Variants in RAD23B observed in about 807,000 individuals in gnomAD.
The protein encoded by RAD23B is RAD23 nucleotide excision repair protein B, also known as lysine-specific demethylase RAD23B.
Under a neutral mutation model 49.1 loss-of-function variants are expected in RAD23B, and 5 were observed. The observed-to-expected ratio is 0.10, with a 90% CI of 0.05 to 0.21. RAD23B has a LOEUF of 0.21. Ranked by LOEUF, RAD23B falls within the 10% of genes least tolerant of loss-of-function variation. RAD23B has a pLI of 1.00. For missense variants in RAD23B, 356 were observed against 486.7 expected (o/e 0.73, Z 2.53); for synonymous variants, 184 against 165.4 (o/e 1.11, Z -0.86).
Position 107,284,785 on chromosome 9 carries a change from G to T in RAD23B, c.66+1090G>T, listed in dbSNP as rs868238776. On this transcript the variant is annotated intron_variant, in intron 1 of 9. Coordinates refer to ENST00000358015, the MANE Select transcript of RAD23B (RefSeq NM_002874.5). ...TTGGGTGGAGATCAGGGGCTTTGGT[G>T]TTAAGTAGACCTGAGTTCCATTTGT... The T allele has an allele frequency of 1.6e-5, 19 of 1,169,484 alleles. No homozygotes were observed. The Middle Eastern group carries it at 7.1e-4, about 44-fold the overall frequency. The allele number at this position is 1,169,484 out of a possible 1,614,324, so 72.4% of individuals were successfully genotyped here.
intron 1 of RAD23B, among the ~76,000 whole-genome samples, chr9:107,297,108 T>C (rs1307502976): frequency 6.6e-6 from 1 of 152,066 alleles, no homozygotes; most frequent in Non-Finnish European, 1.5e-5. Flanking sequence ...CGCCTTGGCC[T>C]CCCAAAGTGC....
rs544787339 is a variant in RAD23B, at chr9:107,287,964, A to G, written c.66+4269A>G. 1.8e-4 allele frequency among the ~76,000 whole-genome samples: 27 copies of G among 152,300 alleles called. No individual in the cohort carries two copies. In the South Asian group the frequency reaches 5.2e-3, roughly 29 times the overall value. Reference sequence around the variant, plus strand: ...TGGTGGTTTATTGTATTTTCAATATAGTCATGCTAGATACAATTTCATATT... The same window carrying G: ...TGGTGGTTTATTGTATTTTCAATATGGTCATGCTAGATACAATTTCATATT... On this transcript the variant is annotated intron_variant, in intron 1 of 9. Coordinates refer to ENST00000358015, the MANE Select transcript of RAD23B (RefSeq NM_002874.5).
Position 107,329,579 on chromosome 9 carries a change from C to G in RAD23B, c.1153C>G (p.Gln385Glu). The part of the protein sequence containing the change: ...ALGFPEGLVI[Q>E]AYFACEKNEN... The stretch of plus-strand genomic sequence containing the variant: ...AGGATTTCCTGAAGGACTTGTGATA[C>G]AAGCGTATTTTGCTTGTGAGAAGAA... The change falls in exon 10 of 10, where the codon CAA becomes GAA. Residue 385 changes from glutamine (Q) to glutamate (E), a missense_variant. Physicochemically the swap from Gln to Glu is conservative, Grantham distance 29. Coordinates refer to ENST00000358015, the MANE Select transcript of RAD23B (RefSeq NM_002874.5). 1 of 1,612,662 alleles carries G rather than the reference C, an allele frequency of 6.2e-7. No individual in the cohort carries two copies. Among genetic ancestry groups the G allele is most frequent in the Non-Finnish European group, 8.5e-7 (1 of 1,179,022 alleles).
intron 8 of RAD23B, among the ~76,000 whole-genome samples, chr9:107,324,419 AG>A (rs895269832): frequency 4.1e-4 from 63 of 152,194 alleles, no homozygotes; most frequent in African/African-American, 1.5e-3. Flanking sequence ...TAGAAAAAAT[AG>A]CTGTGGGGCT....
At chr9:107,287,277 G>A (rs537534732) in intron 1 of RAD23B, among the ~76,000 whole-genome samples, 12 of 152,090 alleles carry the variant, frequency 7.9e-5, no homozygotes, top group Non-Finnish European at 1.8e-4. Flanking sequence ...CACTGAAATG[G>A]TGACAAGAAA....
At chr9:107,286,498 G>C (rs1449646843) in intron 1 of RAD23B, among the ~76,000 whole-genome samples, 1 of 152,156 alleles carries the variant, frequency 6.6e-6, no homozygotes, top group Non-Finnish European at 1.5e-5. Context: ...GACTATTACT[G>C]TGATACATTA....
intron 1 of RAD23B, among the ~76,000 whole-genome samples, chr9:107,292,754 C>G (rs919998607): frequency 2.0e-5 from 3 of 151,216 alleles, no homozygotes. Flanking sequence ...ATACCATCTC[C>G]CATATGAGTA....
chr9:107,298,040 G>C (rs972801121), intron 1 of RAD23B, among the ~76,000 whole-genome samples: 1 of 152,138 alleles, frequency 6.6e-6, no homozygotes, highest in African/African-American at 2.4e-5. Context: ...TATGCATAGA[G>C]ATACACTTGG....
intron 4 of RAD23B, among the ~76,000 whole-genome samples, chr9:107,309,964 A>G (rs1345953878): frequency 1.3e-5 from 2 of 151,660 alleles, no homozygotes; most frequent in African/African-American, 4.8e-5. Flanking sequence ...ATGTGTGATA[A>G]TAGTGTAAAT....
intron 8 of RAD23B, among the ~76,000 whole-genome samples, 175 bp downstream of exon 8, chr9:107,324,192 G>C (rs567261777): frequency 8.5e-5 from 13 of 152,324 alleles, no homozygotes; most frequent in Admixed American, 7.8e-4. Flanking sequence ...AAACAGTTGG[G>C]ATATGGAGGT....
At chr9:107,326,170 G>A (rs1827198146) in intron 9 of RAD23B, among the ~76,000 whole-genome samples, 1 of 152,098 alleles carries the variant, frequency 6.6e-6, no homozygotes, top group East Asian at 1.9e-4. Flanking sequence ...ATATTGGTCT[G>A]TAGTTTTTTT....
At chr9:107,297,581 C>T (rs61015686) in intron 1 of RAD23B, among the ~76,000 whole-genome samples, 8,320 of 152,022 alleles carry the variant, frequency 0.055, 694 homozygotes, top group African/African-American at 0.19. Context: ...TTAGGTGATC[C>T]GTCTGCCTTG....
Position 107,332,083 on chromosome 9 carries a change from C to CA in RAD23B, c.*2430dup, listed in dbSNP as rs1276287327. ...TAAATTTCTTATGCCATCCTCTAGT[C>CA]AAATTTTTTTTCATTGTTTAAAAAT... On this transcript the variant is annotated 3_prime_UTR_variant, in exon 10 of 10. Transcript: ENST00000358015. 3 of 262,926 alleles carry CA rather than the reference C, an allele frequency of 1.1e-5. No homozygotes were observed. The highest frequency in any genetic ancestry group is 6.6e-5 in the African/African-American group (3 of 45,550). 16.3% of individuals were successfully genotyped at this position (262,926 alleles called of 1,614,324 possible). A position where few individuals can be genotyped will look rare whatever the true frequency, so the allele number is the denominator to read the frequency against.
intron 5 of RAD23B, among the ~76,000 whole-genome samples, chr9:107,312,293 G>C (rs779834637): frequency 2.0e-5 from 3 of 152,076 alleles, no homozygotes; most frequent in Non-Finnish European, 2.9e-5. Flanking sequence ...TAGCATCTCT[G>C]ATACAGTTCC....
At chr9:107,295,895 C>T (rs11573650) in intron 1 of RAD23B, among the ~76,000 whole-genome samples, 1,760 of 152,032 alleles carry the variant, frequency 0.012, 24 homozygotes, top group African/African-American at 0.039. Context: ...AGCAGAAAGA[C>T]AAGGAAGTTT....
At position 107,283,315 on chromosome 9, in the gene RAD23B, C is replaced by T; in HGVS notation, c.-315C>T. On this transcript the variant is annotated 5_prime_UTR_variant, in exon 1 of 10. Transcript: ENST00000358015. ...ATGGCGGCCACCATCCTGTGGTGAG[C>T]TAGCGGATTCCCTGCTTGTCTCGCC... 2.4e-6 allele frequency: 1 copy of T among 415,640 alleles called. No homozygotes were observed. Among genetic ancestry groups the T allele is most frequent in the Non-Finnish European group, 4.2e-6 (1 of 238,096 alleles). The allele number at this position is 415,640 out of a possible 1,614,324, so 25.7% of individuals were successfully genotyped here.
In RAD23B at chr9:107,318,550, T is replaced by C. The variant is rs1444119439; in HGVS notation, c.554-202T>C. Among the ~76,000 whole-genome samples, 1 of 152,144 alleles carries C rather than the reference T, an allele frequency of 6.6e-6. No homozygotes were observed. Among genetic ancestry groups the C allele is most frequent in the Non-Finnish European group, 1.5e-5 (1 of 68,010 alleles). On this transcript the variant is annotated intron_variant, in intron 5 of 9. Transcript: ENST00000358015. This position sits in a 1 kb window ranked among gnomAD's most constrained non-coding sequence, Gnocchi z 4.3. Reference sequence around the variant, plus strand: ...CAATTTCCCTTTGCCTTGTAACCTATTTATAGGTTCCAGGGATCAAACCAG... The same window carrying C: ...CAATTTCCCTTTGCCTTGTAACCTACTTATAGGTTCCAGGGATCAAACCAG...
At chr9:107,290,262 G>A (rs1833353923) in intron 1 of RAD23B, among the ~76,000 whole-genome samples, 1 of 152,134 alleles carries the variant, frequency 6.6e-6, no homozygotes, top group South Asian at 2.1e-4. Flanking sequence ...TCTAAGGCAG[G>A]TCCTTCCACT....
At chr9:107,323,438 G>A (rs1197221109) in intron 7 of RAD23B, among the ~76,000 whole-genome samples, 1 of 152,110 alleles carries the variant, frequency 6.6e-6, no homozygotes, top group Non-Finnish European at 1.5e-5. Context: ...GAATTCCTAG[G>A]AATTCAAGCT....
Sources: allele counts gnomAD v4.1 joint callset (sites outside exome capture counted in the v4.1 genomes callset), GRCh38; gene constraint gnomAD v4.1.1; non-coding constraint Gnocchi (gnomAD v3.1); transcripts MANE v1.5; gene names NCBI Gene and HGNC (gene_info 2026-07-23, HGNC 2026-07-21).